Variants in ADCY2 observed in about 807,000 individuals in gnomAD.
The protein encoded by ADCY2 is adenylate cyclase type 2.
ADCY2 carries 31 observed loss-of-function variants against 125.2 expected under a neutral mutation model. The ratio of observed to expected loss-of-function variants is 0.25; its 90% CI spans 0.19 to 0.33. The LOEUF is 0.33. Among genes scored for constraint, ADCY2 ranks in the 10% least tolerant of loss-of-function variants. The pLI is 1.00. For missense variants in ADCY2, 904 were observed against 1,418.2 expected (o/e 0.64, Z 5.82); for synonymous variants, 512 against 548.4 (o/e 0.93, Z 0.93).
chr5:7,691,178 G>A (rs1276064425), intron 5 of ADCY2: 1 of 162,154 alleles, frequency 6.2e-6, no homozygotes, highest in African/African-American at 2.4e-5. Flanking sequence ...AAGATTGGAG[G>A]GAGAGTCTGT....
intron 2 of ADCY2, among the ~76,000 whole-genome samples, chr5:7,431,957 G>GTTGCCTT (rs1456532770): frequency 6.6e-6 from 1 of 152,032 alleles, no homozygotes; most frequent in African/African-American, 2.4e-5. Context: ...TCGCTGGAGT[G>GTTGCCTT]TTGCCTTTTC....
At chr5:7,597,685 G>A (rs551279313) in intron 3 of ADCY2, among the ~76,000 whole-genome samples, 142 of 152,322 alleles carry the variant, frequency 9.3e-4, no homozygotes, top group African/African-American at 3.1e-3. Flanking sequence ...GCTGAGGTGG[G>A]AGGATTACTT....
At chr5:7,722,979 AAAAAAAAG>A (rs1471102872) in intron 12 of ADCY2, among the ~76,000 whole-genome samples, 3 of 150,444 alleles carry the variant, frequency 2.0e-5, no homozygotes, top group African/African-American at 7.4e-5. Context: ...AAAAAAAAAA[AAAAAAAAG>A]CATGTCCTTT....
chr5:7,446,114 A>C (rs529536268), intron 2 of ADCY2, among the ~76,000 whole-genome samples: 10 of 152,304 alleles, frequency 6.6e-5, no homozygotes, highest in African/African-American at 1.9e-4. Context: ...ATTTGGACTA[A>C]AATTTTTATA....
At chr5:7,454,774 T>C (rs1741607347) in intron 2 of ADCY2, among the ~76,000 whole-genome samples, 1 of 152,200 alleles carries the variant, frequency 6.6e-6, no homozygotes, top group African/African-American at 2.4e-5. Context: ...GAGCTCATAT[T>C]GTATCTTCAA....
At chr5:7,416,990 A>T (rs1026951854) in intron 2 of ADCY2, among the ~76,000 whole-genome samples, 3 of 152,212 alleles carry the variant, frequency 2.0e-5, no homozygotes, top group South Asian at 2.1e-4. Context: ...TGAAAAGTCC[A>T]TTTGGGTTCT....
chr5:7,725,006 A>C (rs1024134412), intron 13 of ADCY2, among the ~76,000 whole-genome samples: 11 of 152,212 alleles, frequency 7.2e-5, no homozygotes, highest in African/African-American at 2.7e-4. Context: ...ATGTTGACTA[A>C]AATATGAGTT....
chr5:7,470,077 C>G (rs1742280799), intron 2 of ADCY2, among the ~76,000 whole-genome samples: 1 of 151,716 alleles, frequency 6.6e-6, no homozygotes. Context: ...AAAACTTGTT[C>G]ACTTATTTTG....
chr5:7,418,728 T>A lies in ADCY2; in HGVS notation c.408+3958T>A, dbSNP rs1300756315. 2.2e-5 allele frequency among the ~76,000 whole-genome samples: 3 copies of A among 138,082 alleles called. No individual in the cohort carries two copies. The East Asian group carries it at 6.9e-4, about 32-fold the overall frequency. 90.6% of individuals were successfully genotyped at this position (138,082 alleles called of 152,430 possible). A position where few individuals can be genotyped will look rare whatever the true frequency, so the allele number is the denominator to read the frequency against. On this transcript the variant is annotated intron_variant, in intron 2 of 24. Transcript: ENST00000338316. ...TGGAGTGCAGTCGTGCGATCTCGGC[T>A]CACTACAACCTCCGCCTCCTGGGTT...
intron 2 of ADCY2, among the ~76,000 whole-genome samples, chr5:7,514,313 A>T (rs557197104): frequency 6.6e-6 from 1 of 152,338 alleles, no homozygotes; most frequent in African/African-American, 2.4e-5. Flanking sequence ...ACATTTGCTT[A>T]AGCTGTACCT....
At chr5:7,436,702 G>A (rs576266893) in intron 2 of ADCY2, among the ~76,000 whole-genome samples, 10 of 152,334 alleles carry the variant, frequency 6.6e-5, no homozygotes, top group Admixed American at 1.3e-4. Flanking sequence ...TGCAGGTGGC[G>A]GATCAGGTGA....
chr5:7,788,004 A>G (rs1157078549), intron 19 of ADCY2, among the ~76,000 whole-genome samples: 1 of 151,268 alleles, frequency 6.6e-6, no homozygotes, highest in South Asian at 2.1e-4. Context: ...CACTTGTTGC[A>G]TCTATCGTTT....
chr5:7,437,384 G>A (rs963085984), intron 2 of ADCY2, among the ~76,000 whole-genome samples: 2 of 152,210 alleles, frequency 1.3e-5, no homozygotes, highest in African/African-American at 4.8e-5. Flanking sequence ...GACCACACGT[G>A]TTAACCCACA....
intron 18 of ADCY2, among the ~76,000 whole-genome samples, chr5:7,774,442 A>G (rs1743653348): frequency 6.6e-6 from 1 of 152,228 alleles, no homozygotes; most frequent in Non-Finnish European, 1.5e-5. Flanking sequence ...TAAATGTAGC[A>G]TTATTGATTT....
At chr5:7,760,487 C>T (rs1743160130) in intron 16 of ADCY2, among the ~76,000 whole-genome samples, 1 of 152,190 alleles carries the variant, frequency 6.6e-6, no homozygotes, top group African/African-American at 2.4e-5. Flanking sequence ...CCTGGCCCGT[C>T]AGGAGTGTGT....
chr5:7,714,057 A>G (rs1249859556), intron 11 of ADCY2, among the ~76,000 whole-genome samples: 1 of 152,250 alleles, frequency 6.6e-6, no homozygotes, highest in African/African-American at 2.4e-5. Context: ...ACATTGAGAT[A>G]TAACATTCAT....
intron 3 of ADCY2, among the ~76,000 whole-genome samples, chr5:7,610,414 G>A (rs1456320986): frequency 6.6e-6 from 1 of 152,128 alleles, no homozygotes; most frequent in African/African-American, 2.4e-5. Flanking sequence ...CAGGAGTGAG[G>A]TCAGGAGAGA....
chr5:7,694,469 C>A (rs983113892), intron 5 of ADCY2, among the ~76,000 whole-genome samples: 1 of 152,140 alleles, frequency 6.6e-6, no homozygotes, highest in Non-Finnish European at 1.5e-5. Context: ...CCCAGGAAAC[C>A]GCCATTCTAG....
At chr5:7,666,188 A>G (rs971727185) in intron 4 of ADCY2, among the ~76,000 whole-genome samples, 1 of 151,746 alleles carries the variant, frequency 6.6e-6, no homozygotes, top group East Asian at 2.0e-4. Context: ...TCTAAATTCT[A>G]TGAGAGATAG....
Sources: allele counts gnomAD v4.1 joint callset (sites outside exome capture counted in the v4.1 genomes callset), GRCh38; gene constraint gnomAD v4.1.1; transcripts MANE v1.5; gene names NCBI Gene and HGNC (gene_info 2026-07-23, HGNC 2026-07-21).